The following NAV1 variants were observed in gnomAD, a reference collection of about 807,000 sequenced individuals.
NAV1 encodes neuron navigator 1, also known as pore membrane and/or filament interacting like protein 3.
A neutral mutation model predicts 175.2 loss-of-function variants in NAV1; 18 were observed. That is an observed-to-expected ratio of 0.10 (90% CI 0.07 to 0.15). NAV1 has a LOEUF of 0.15. Among genes scored for constraint, NAV1 ranks in the 10% least tolerant of loss-of-function variants. NAV1 has a pLI of 1.00. For missense variants in NAV1, 1,731 were observed against 2,436.6 expected (o/e 0.71, Z 6.10); for synonymous variants, 897 against 978.7 (o/e 0.92, Z 1.56).
At chr1:201,614,972 GTGTT>G (rs1553244221) in intron 2 of NAV1, among the ~76,000 whole-genome samples, 1 of 152,198 alleles carries the variant, frequency 6.6e-6, no homozygotes, top group Non-Finnish European at 1.5e-5. Flanking sequence ...CAACTAAAAA[GTGTT>G]TGATTTAAAA....
chr1:201,691,373 G>A (rs1571887088), intron 1 of NAV1, among the ~76,000 whole-genome samples: 1 of 151,600 alleles, frequency 6.6e-6, no homozygotes, highest in South Asian at 2.1e-4. Flanking sequence ...TGGAAGAAGT[G>A]GTCTGAGGTT....
At chr1:201,547,088 G>C (rs1665696653) in intron 1 of NAV1, among the ~76,000 whole-genome samples, 1 of 151,218 alleles carries the variant, frequency 6.6e-6, no homozygotes, top group Non-Finnish European at 1.5e-5. Context: ...CCGGGTTCAA[G>C]CGATTCTCCA....
At chr1:201,564,089 T>G (rs926105660) in intron 1 of NAV1, among the ~76,000 whole-genome samples, 1 of 148,746 alleles carries the variant, frequency 6.7e-6, no homozygotes, top group Non-Finnish European at 1.5e-5. Flanking sequence ...AGAGCAAGAC[T>G]GTGTCTCAAA....
intron 13 of NAV1, chr1:201,793,347 C>CGTATCATTA: frequency 6.5e-6 from 1 of 154,574 alleles, no homozygotes; most frequent in Non-Finnish European, 1.4e-5. Flanking sequence ...AGAAACGCAC[C>CGTATCATTA]AAATAGTTTC....
intron 2 of NAV1, among the ~76,000 whole-genome samples, chr1:201,607,538 C>CTGGA (rs1246978446): frequency 6.6e-6 from 1 of 152,150 alleles, no homozygotes; most frequent in African/African-American, 2.4e-5. Context: ...GTCTCCAAGG[C>CTGGA]TGGAGTTCAG....
chr1:201,595,789 G>A (rs192440587), intron 2 of NAV1, among the ~76,000 whole-genome samples: 1 of 152,346 alleles, frequency 6.6e-6, no homozygotes, highest in East Asian at 1.9e-4. Flanking sequence ...TTCCTGTGCT[G>A]TCTCAGTCAT....
exon 5 of NAV1, chr1:201,781,090 A>C (rs750657326): frequency 1.2e-6 from 2 of 1,614,202 alleles, no homozygotes; most frequent in South Asian, 2.2e-5. Flanking sequence ...GAAAGCCCCT[A>C]AAAAACTGGA....
At position 201,539,780 on chromosome 1, in the gene NAV1, A is replaced by G. The variant is rs368682705; in HGVS notation, c.-144+438A>G. The stretch of plus-strand genomic sequence containing the variant: ...CGCACCTCTGCCTTTCGTTGAAGCA[A>G]GAGTTAACTCCTCCCATCCCAGCAG... On this transcript the variant is annotated intron_variant, in intron 1 of 33. Coordinates refer to the NAV1 transcript ENST00000685211. The surrounding 1 kb of genome is among the most constrained non-coding windows in gnomAD (Gnocchi z 5.6). Among the ~76,000 whole-genome samples the G allele has an allele frequency of 1.3e-5, 2 of 152,288 alleles. No homozygotes were observed. The highest frequency in any genetic ancestry group is 3.9e-4 in the East Asian group (2 of 5,170).
intron 1 of NAV1, among the ~76,000 whole-genome samples, chr1:201,709,271 G>A (rs2102462934): frequency 6.6e-6 from 1 of 152,320 alleles, no homozygotes; most frequent in Non-Finnish European, 1.5e-5. Context: ...AGAAAGGGGT[G>A]AAGCTTAGTT....
chr1:201,684,659 A>G (rs1431291822), intron 1 of NAV1, among the ~76,000 whole-genome samples: 4 of 151,514 alleles, frequency 2.6e-5, no homozygotes, highest in African/African-American at 9.7e-5. Flanking sequence ...ATTTTTGTAG[A>G]GACAGGGGTT....
At chr1:201,708,257 A>ACT (rs3053754) in intron 1 of NAV1, among the ~76,000 whole-genome samples, 57,091 of 151,672 alleles carry the variant, frequency 0.38, 10,885 homozygotes, top group Middle Eastern at 0.41. Context: ...GTTGGGAGAG[A>ACT]CTTGCATCTG....
chr1:201,710,665 T>A (rs1040093365), intron 1 of NAV1, among the ~76,000 whole-genome samples: 3 of 152,252 alleles, frequency 2.0e-5, no homozygotes, highest in Non-Finnish European at 4.4e-5. Context: ...AAGACAAGTA[T>A]GAGTTTCTTC....
intron 1 of NAV1, among the ~76,000 whole-genome samples, chr1:201,548,608 T>C (rs1319423870): frequency 1.3e-5 from 2 of 152,152 alleles, no homozygotes; most frequent in South Asian, 2.1e-4. Flanking sequence ...TGTTATTGAC[T>C]GAAGAAGAGA....
In NAV1 at chr1:201,750,572, T is replaced by C. The variant is rs1395635193; in HGVS notation, c.1227-29849T>C. On this transcript the variant is annotated intron_variant, in intron 3 of 29. Coordinates refer to ENST00000367296, the Ensembl canonical transcript of NAV1. This position sits in a 1 kb window ranked among gnomAD's most constrained non-coding sequence, Gnocchi z 4.1. ...TTCCATGTCTTTCTTTCTCCAAATC[T>C]ATATGAGATCTAAATAAGCTCTCCC... Among the ~76,000 whole-genome samples the C allele has an allele frequency of 6.6e-6, 1 of 152,178 alleles. No individual in the cohort carries two copies. Among genetic ancestry groups the C allele is most frequent in the East Asian group, 1.9e-4 (1 of 5,196 alleles).
chr1:201,629,114 A>T (rs891014167), intron 1 of NAV1, among the ~76,000 whole-genome samples: 11 of 152,154 alleles, frequency 7.2e-5, no homozygotes, highest in Admixed American at 7.2e-4. Context: ...CCTATAAGTG[A>T]TAACGTTCCT....
rs796115159 is a variant in NAV1 at position 201,642,206 on chromosome 1, TTCCTTCCC to T, written c.5-6422_5-6415del. Among the ~76,000 whole-genome samples the T allele has an allele frequency of 3.9e-3, 544 of 140,496 alleles. 6 individuals carry two copies. The highest frequency in any genetic ancestry group is 0.015 in the African/African-American group (508 of 34,978). 92.2% of individuals were successfully genotyped at this position (140,496 alleles called of 152,430 possible). A position where few individuals can be genotyped will look rare whatever the true frequency, so the allele number is the denominator to read the frequency against. On this transcript the variant is annotated intron_variant, in intron 2 of 29. Transcript: ENST00000367302. ...CTTCCTTCCCTCCTTTCTTCCTTTC[TTCCTTCCC>T]TCCTTTCTTCCTTTCTTTCTCGGAG...
chr1:201,743,107 G>A (rs1275476988), intron 3 of NAV1, among the ~76,000 whole-genome samples: 1 of 152,088 alleles, frequency 6.6e-6, no homozygotes, highest in Non-Finnish European at 1.5e-5. Flanking sequence ...AGAAACTGAG[G>A]CACAAGGAGG....
Position 201,809,310 on chromosome 1 carries a change from C to G in NAV1, c.4305+49C>G, listed in dbSNP as rs375061353. 5.7e-5 allele frequency: 92 copies of G among 1,602,870 alleles called. No homozygotes were observed. In the African/African-American group the frequency reaches 1.1e-3, roughly 19 times the overall value. ...CAGTGGGAATGAACAAATACTGTTA[C>G]ATTTATCCAAGAAAATCTGGACCCT... On this transcript the variant is annotated intron_variant, in intron 21 of 29. Coordinates refer to ENST00000367296, the Ensembl canonical transcript of NAV1.
chr1:201,673,489 C>T (rs1403601843), intron 1 of NAV1: 1 of 152,240 alleles, frequency 6.6e-6, no homozygotes, highest in African/African-American at 2.4e-5. Flanking sequence ...TCTCTCTTCT[C>T]CTTTTCACAG....
Sources: allele counts gnomAD v4.1 joint callset (sites outside exome capture counted in the v4.1 genomes callset), GRCh38; gene constraint gnomAD v4.1.1; non-coding constraint Gnocchi (gnomAD v3.1); transcripts MANE v1.5; gene names NCBI Gene and HGNC (gene_info 2026-07-23, HGNC 2026-07-21).